The following AFG2A variants were observed in gnomAD, a reference collection of about 807,000 sequenced individuals.
AFG2A encodes AAA ATPase AFG2A, also known as ATPase family gene 2 protein homolog A.
chr4:123,164,763 T>G, the AFG2A span, among the ~76,000 whole-genome samples: 30 of 152,294 alleles, frequency 2.0e-4, no homozygotes, highest in African/African-American at 7.2e-4. Context: ...CTTTAATAAT[T>G]GAGCGATTAT....
the AFG2A span, among the ~76,000 whole-genome samples, chr4:122,970,875 C>A: frequency 1.3e-5 from 2 of 151,842 alleles, no homozygotes; most frequent in East Asian, 3.9e-4. Context: ...GCTTTGTCAC[C>A]CAGGCTGGAG....
At chr4:123,206,531 G>C in the AFG2A span, among the ~76,000 whole-genome samples, 1 of 152,106 alleles carries the variant, frequency 6.6e-6, no homozygotes, top group African/African-American at 2.4e-5. Context: ...TTGCAAAGCT[G>C]TACAACTCCT....
the AFG2A span, among the ~76,000 whole-genome samples, chr4:123,155,461 C>T: frequency 1.3e-5 from 2 of 151,896 alleles, no homozygotes; most frequent in African/African-American, 4.8e-5. Context: ...TTCCTTCTTG[C>T]TAGTCAAAAT....
At chr4:123,018,466 G>A in the AFG2A span, among the ~76,000 whole-genome samples, 1 of 152,190 alleles carries the variant, frequency 6.6e-6, no homozygotes, top group African/African-American at 2.4e-5. Context: ...GTTGAAAGAT[G>A]AGAGGTGTTG....
chr4:123,227,547 C>G, the AFG2A span, among the ~76,000 whole-genome samples: 12 of 152,190 alleles, frequency 7.9e-5, no homozygotes, highest in African/African-American at 2.6e-4. Flanking sequence ...ATCCTGAGTT[C>G]TAGTTTGATT....
chr4:122,944,152 C>G, the AFG2A span, among the ~76,000 whole-genome samples: 14 of 152,142 alleles, frequency 9.2e-5, no homozygotes, highest in Admixed American at 4.6e-4. Context: ...TTGTGGCGTT[C>G]TCTGTATTTC....
chr4:122,984,509 G>A, the AFG2A span, among the ~76,000 whole-genome samples: 1 of 152,186 alleles, frequency 6.6e-6, no homozygotes, highest in Non-Finnish European at 1.5e-5. Context: ...TGGTGAGAGT[G>A]AGCATCCTTG....
the AFG2A span, among the ~76,000 whole-genome samples, chr4:123,001,640 G>A: frequency 5.3e-5 from 8 of 151,524 alleles, no homozygotes; most frequent in Non-Finnish European, 1.0e-4. Flanking sequence ...ATCCTGAGTT[G>A]TAGTTTGATT....
chr4:123,260,667 T>C, the AFG2A span, among the ~76,000 whole-genome samples: 1 of 152,244 alleles, frequency 6.6e-6, no homozygotes, highest in Non-Finnish European at 1.5e-5. Context: ...GTCATTGTAT[T>C]AGAATCTGGC....
At chr4:122,965,795 T>TA in the AFG2A span, among the ~76,000 whole-genome samples, 3 of 152,210 alleles carry the variant, frequency 2.0e-5, no homozygotes, top group Non-Finnish European at 4.4e-5. Context: ...TTTCTAAAAA[T>TA]ATATGTATTT....
At chr4:122,947,290 G>A in the AFG2A span, 1 of 1,612,930 alleles carries the variant, frequency 6.2e-7, no homozygotes, top group Non-Finnish European at 8.5e-7. Context: ...TCATGCCTTG[G>A]ATGCTGCTCT....
At chr4:123,177,132 G>A in the AFG2A span, among the ~76,000 whole-genome samples, 1 of 151,174 alleles carries the variant, frequency 6.6e-6, no homozygotes, top group Non-Finnish European at 1.5e-5. Flanking sequence ...TAAATTTAGT[G>A]TCTGTGTAAT....
chr4:123,048,522 C>G, the AFG2A span, among the ~76,000 whole-genome samples: 1 of 152,016 alleles, frequency 6.6e-6, no homozygotes, highest in Non-Finnish European at 1.5e-5. Context: ...TATGTGTGTC[C>G]TCTTTAGTTG....
the AFG2A span, among the ~76,000 whole-genome samples, chr4:123,217,870 T>C: frequency 1.3e-5 from 2 of 152,302 alleles, no homozygotes; most frequent in African/African-American, 4.8e-5. Flanking sequence ...ATTTATTCAC[T>C]GAGAAGGAAA....
At chr4:123,058,162 A>T in the AFG2A span, among the ~76,000 whole-genome samples, 3 of 152,224 alleles carry the variant, frequency 2.0e-5, no homozygotes, top group Non-Finnish European at 4.4e-5. Flanking sequence ...TGCTGCTGAT[A>T]AAGACATACT....
chr4:122,974,632 G>A, the AFG2A span, among the ~76,000 whole-genome samples: 2 of 152,040 alleles, frequency 1.3e-5, no homozygotes, highest in Non-Finnish European at 2.9e-5. Context: ...TTGTACCATT[G>A]TAAAGTGGAA....
the AFG2A span, among the ~76,000 whole-genome samples, chr4:122,987,848 CT>C: frequency 6.6e-6 from 1 of 152,064 alleles, no homozygotes; most frequent in African/African-American, 2.4e-5. Context: ...GATTTATGTG[CT>C]AGTACTATAC....
chr4:123,206,882 G>A, the AFG2A span, among the ~76,000 whole-genome samples: 46 of 152,072 alleles, frequency 3.0e-4, no homozygotes, highest in South Asian at 7.1e-3. Flanking sequence ...AAGAATTAAC[G>A]AAAAGTATCA....
chr4:123,132,820 G>T, the AFG2A span, among the ~76,000 whole-genome samples: 2 of 134,872 alleles, frequency 1.5e-5, no homozygotes, highest in Non-Finnish European at 3.1e-5. Context: ...TCGCTCTGTC[G>T]CCCAGGCTGA....
Sources: allele counts gnomAD v4.1 joint callset (sites outside exome capture counted in the v4.1 genomes callset), GRCh38; gene constraint gnomAD v4.1.1; transcripts MANE v1.5; gene names NCBI Gene and HGNC (gene_info 2026-07-23, HGNC 2026-07-21).